Variants in GNPDA2 observed in about 807,000 individuals in gnomAD.
GNPDA2 encodes the protein glucosamine-6-phosphate deaminase 2.
In GNPDA2, 24 loss-of-function variants were observed where a neutral mutation model predicts 27.0. That is an observed-to-expected ratio of 0.89 (90% CI 0.64 to 1.25). The LOEUF is 1.25. Among genes scored for constraint, GNPDA2 ranks in the 50% most tolerant of loss-of-function variants. The probability of loss-of-function intolerance (pLI) is 0.00; values close to 1 mark genes in which losing one functional copy is unlikely to be tolerated. For missense variants in GNPDA2, 286 were observed against 335.1 expected (o/e 0.85, Z 1.14); for synonymous variants, 94 against 108.4 (o/e 0.87, Z 0.83).
At chr4:44,707,587 G>T in intron 6 of GNPDA2, 165 bp downstream of exon 6, 2 of 495,240 alleles carry the variant, frequency 4.0e-6, no homozygotes, top group Non-Finnish European at 3.5e-6. Flanking sequence ...CTACTTTGAA[G>T]ATACTATTAT....
At chr4:44,704,299 A>G (rs1201788288) in intron 6 of GNPDA2, 6 of 982,156 alleles carry the variant, frequency 6.1e-6, no homozygotes, top group African/African-American at 1.8e-5. Flanking sequence ...GATAAGGGTA[A>G]TATCAGCTGT....
chr4:44,713,458 C>A (rs767585370), intron 4 of GNPDA2, among the ~76,000 whole-genome samples: 27 of 152,214 alleles, frequency 1.8e-4, no homozygotes, highest in Non-Finnish European at 8.8e-5. Flanking sequence ...ACCCTAGAAT[C>A]ATTCCAGTTA....
Position 44,704,139 on chromosome 4 carries a change from T to C in GNPDA2, c.770-997A>G, listed in dbSNP as rs564026621. The C allele has an allele frequency of 1.8e-5, 18 of 984,994 alleles. No individual in the cohort carries two copies. The African/African-American group carries it at 2.4e-4, about 13-fold the overall frequency. 61.0% of individuals were successfully genotyped at this position (984,994 alleles called of 1,614,324 possible). ...GGGACAAGCAAAGAGTACTGGGAAGTGTTTGTGTAGTAGGAGAAATTCTAA... is the reference window on the plus strand; with the variant it reads ...GGGACAAGCAAAGAGTACTGGGAAGCGTTTGTGTAGTAGGAGAAATTCTAA... On this transcript the variant is annotated intron_variant, in intron 6 of 6. Coordinates refer to ENST00000295448, the MANE Select transcript of GNPDA2 (RefSeq NM_138335.3).
chr4:44,724,394 C>A (rs567636668), intron 1 of GNPDA2, among the ~76,000 whole-genome samples: 13 of 152,198 alleles, frequency 8.5e-5, no homozygotes, highest in African/African-American at 2.9e-4. Context: ...GGGTAGATAC[C>A]CAGTAGTGAG....
chr4:44,710,541 C>T (rs1716908815), intron 5 of GNPDA2, among the ~76,000 whole-genome samples: 1 of 152,154 alleles, frequency 6.6e-6, no homozygotes, highest in Non-Finnish European at 1.5e-5. Flanking sequence ...GCTCTATCAT[C>T]CTACATAACA....
chr4:44,716,517 T>TAA (rs1327393491), intron 4 of GNPDA2, among the ~76,000 whole-genome samples: 7 of 9,214 alleles, frequency 7.6e-4, no homozygotes, highest in Admixed American at 6.8e-3. Context: ...GTAGATTATA[T>TAA]ATACACACAC....
At chr4:44,722,381 G>A in intron 1 of GNPDA2, 139 bp from the exon 2 acceptor site, 1 of 609,864 alleles carries the variant, frequency 1.6e-6, no homozygotes, top group Non-Finnish European at 2.7e-6. Context: ...TACTGAAGAA[G>A]GACATGCACA....
Position 44,701,957 on chromosome 4 carries a change from A to G in GNPDA2, c.*1124T>C. 1.0e-6 allele frequency: 1 copy of G among 985,032 alleles called. No homozygotes were observed. Among genetic ancestry groups the G allele is most frequent in the Non-Finnish European group, 1.2e-6 (1 of 829,632 alleles). 61.0% of individuals were successfully genotyped at this position (985,032 alleles called of 1,614,324 possible). A position where few individuals can be genotyped will look rare whatever the true frequency, so the allele number is the denominator to read the frequency against. On this transcript the variant is annotated 3_prime_UTR_variant, in exon 7 of 7. Coordinates refer to ENST00000295448, the MANE Select transcript of GNPDA2 (RefSeq NM_138335.3). ...CAAGCAGATAAGTAAGGCTTCTTCT[A>G]CCAGGTGGGCTTATGAAATGCAAAA... is the stretch of plus-strand genomic sequence containing the variant.
intron 6 of GNPDA2, chr4:44,704,151 A>G: frequency 5.1e-6 from 5 of 985,204 alleles, no homozygotes; most frequent in Non-Finnish European, 6.0e-6. Context: ...TTTGTGTAGT[A>G]GGAGAAATTC....
intron 4 of GNPDA2, among the ~76,000 whole-genome samples, chr4:44,712,981 G>C (rs1184138231): frequency 2.0e-5 from 3 of 152,150 alleles, no homozygotes; most frequent in Admixed American, 2.0e-4. Context: ...AGGGTAGAAT[G>C]TACATGCACT....
At chr4:44,726,044 G>A (rs1048194559) in intron 1 of GNPDA2, among the ~76,000 whole-genome samples, 1 of 152,148 alleles carries the variant, frequency 6.6e-6, no homozygotes, top group African/African-American at 2.4e-5. Flanking sequence ...CGCGCGTGTG[G>A]GACCGACCCG....
At chr4:44,711,809 G>GTATATA (rs35046303) in intron 4 of GNPDA2, among the ~76,000 whole-genome samples, 25,289 of 102,852 alleles carry the variant, frequency 0.25, 2,381 homozygotes, top group Middle Eastern at 0.38. Context: ...TTGCAATCTA[G>GTATATA]TATATATATA....
At chr4:44,717,960 C>T (rs1485330753) in intron 3 of GNPDA2, among the ~76,000 whole-genome samples, 1 of 151,756 alleles carries the variant, frequency 6.6e-6, no homozygotes, top group Non-Finnish European at 1.5e-5. Flanking sequence ...GTTAGTTTAT[C>T]CTGACAACAC....
chr4:44,710,338 T>G (rs1284549205), intron 5 of GNPDA2, among the ~76,000 whole-genome samples: 1 of 152,168 alleles, frequency 6.6e-6, no homozygotes, highest in Non-Finnish European at 1.5e-5. Flanking sequence ...GGTTTCCATA[T>G]AATTTAACTA....
chr4:44,723,239 T>C (rs1156686163), intron 1 of GNPDA2, among the ~76,000 whole-genome samples: 3 of 152,296 alleles, frequency 2.0e-5, no homozygotes, highest in East Asian at 1.9e-4. Flanking sequence ...GTAAGACATA[T>C]TGTTTTCCTT....
chr4:44,721,208 C>T (rs1717644245), intron 2 of GNPDA2, among the ~76,000 whole-genome samples: 1 of 152,040 alleles, frequency 6.6e-6, no homozygotes, highest in African/African-American at 2.4e-5. Flanking sequence ...ATGTAATTAC[C>T]ATGTATGAGG....
intron 6 of GNPDA2, 106 bp downstream of exon 6, chr4:44,707,646 A>T (rs914008312): frequency 1.9e-5 from 18 of 925,884 alleles, no homozygotes; most frequent in Non-Finnish European, 2.4e-5. Context: ...ATGTGTTGCC[A>T]CTTTTCAATA....
intron 4 of GNPDA2, among the ~76,000 whole-genome samples, chr4:44,715,627 G>A (rs188750619): frequency 8.6e-5 from 13 of 152,024 alleles, no homozygotes; most frequent in African/African-American, 2.9e-4. Context: ...AATATTGGAA[G>A]GTACAAATGG....
intron 6 of GNPDA2, chr4:44,705,426 A>G: frequency 1.0e-6 from 1 of 985,076 alleles, no homozygotes; most frequent in Non-Finnish European, 1.2e-6. Context: ...TCAGAAATAC[A>G]GACAGCTCCA....
Sources: allele counts gnomAD v4.1 joint callset (sites outside exome capture counted in the v4.1 genomes callset), GRCh38; gene constraint gnomAD v4.1.1; transcripts MANE v1.5; gene names NCBI Gene and HGNC (gene_info 2026-07-23, HGNC 2026-07-21).